The following ZFYVE16 variants were observed in gnomAD, a reference collection of about 807,000 sequenced individuals.
ZFYVE16 encodes the protein zinc finger FYVE domain-containing protein 16.
In ZFYVE16, 89 loss-of-function variants were observed where a neutral mutation model predicts 138.1. The observed-to-expected ratio is 0.64, with a 90% confidence interval of 0.54 to 0.77. ZFYVE16 has a LOEUF of 0.77. Among genes scored for constraint, ZFYVE16 ranks in the 30% least tolerant of loss-of-function variants. The pLI, the probability that ZFYVE16 is intolerant of heterozygous loss-of-function variation, is 0.00. For missense variants in ZFYVE16, 1,793 were observed against 1,786.7 expected, an observed-to-expected ratio of 1.00 and a Z score of -0.06; for synonymous variants, 596 against 618.3, an observed-to-expected ratio of 0.96 and a Z score of 0.53.
chr5:80,475,452 A>G (rs562995482), intron 18 of ZFYVE16, among the ~76,000 whole-genome samples: 100 of 152,292 alleles, frequency 6.6e-4, no homozygotes, highest in Admixed American at 7.2e-4. Flanking sequence ...AGCCTTGGAA[A>G]TATCTTTCCT....
intron 5 of ZFYVE16, among the ~76,000 whole-genome samples, chr5:80,442,566 ATACT>A (rs941084964): frequency 3.3e-5 from 5 of 152,166 alleles, no homozygotes; most frequent in African/African-American, 9.6e-5. Flanking sequence ...AGCTGGAGGA[ATACT>A]TACTTGAAGA....
At chr5:80,436,021 G>C (rs990029369) in intron 3 of ZFYVE16, among the ~76,000 whole-genome samples, 33 of 152,148 alleles carry the variant, frequency 2.2e-4, no homozygotes, top group Admixed American at 1.6e-3. Context: ...CTTCTCCTTT[G>C]CCTTCTGCCA....
chr5:80,469,063 A>G (rs941797516), intron 15 of ZFYVE16, among the ~76,000 whole-genome samples: 4 of 148,682 alleles, frequency 2.7e-5, no homozygotes, highest in Non-Finnish European at 4.5e-5. Context: ...AGATATCCAT[A>G]TATTTTTCTT....
At position 80,421,170 on chromosome 5, in the gene ZFYVE16, G is replaced by A. The variant is rs1264426531; in HGVS notation, c.-93-6322G>A. On this transcript the variant is annotated intron_variant, in intron 1 of 18. Transcript: ENST00000505560. Reference sequence around the variant, plus strand: ...TTGTTTTTTTCTTGTAAATTTGTTTGAGTTCTTTGTAGATTCTGGATATTA... The same window carrying A: ...TTGTTTTTTTCTTGTAAATTTGTTTAAGTTCTTTGTAGATTCTGGATATTA... Among the ~76,000 whole-genome samples the A allele has an allele frequency of 1.3e-4, 20 of 152,086 alleles. 1 individual carries two copies. The South Asian group carries it at 2.7e-3, about 21-fold the overall frequency.
chr5:80,426,696 A>G (rs1201777860), intron 1 of ZFYVE16, among the ~76,000 whole-genome samples: 2 of 152,128 alleles, frequency 1.3e-5, no homozygotes, highest in Non-Finnish European at 2.9e-5. Context: ...TATCCAGTCT[A>G]TCATTGATGG....
intron 15 of ZFYVE16, 62 bp from the exon 16 acceptor site, chr5:80,472,699 A>G: frequency 6.9e-7 from 1 of 1,459,020 alleles, no homozygotes; most frequent in Non-Finnish European, 9.2e-7. Flanking sequence ...AGCAAATTTT[A>G]TGGCTTAGAT....
chr5:80,432,506 C>T (rs1749210619), intron 2 of ZFYVE16, among the ~76,000 whole-genome samples: 1 of 152,102 alleles, frequency 6.6e-6, no homozygotes, highest in African/African-American at 2.4e-5. Flanking sequence ...TAGGCAATAC[C>T]ATTCAGGACA....
chr5:80,466,545 T>C (rs1753772560), intron 15 of ZFYVE16, among the ~76,000 whole-genome samples: 1 of 152,224 alleles, frequency 6.6e-6, no homozygotes, highest in African/African-American at 2.4e-5. Context: ...TGTGAACATA[T>C]TTAAAATAAT....
At position 80,477,273 on chromosome 5, in the gene ZFYVE16, G is replaced by A. The variant is rs750806467; in HGVS notation, c.4516G>A (p.Asp1506Asn). Residue 1506 changes from aspartate to asparagine, a missense_variant, in exon 19 of 19, where the codon GAT (aspartate) becomes AAT (asparagine). Physicochemically the swap from Asp to Asn is conservative, Grantham distance 23. Coordinates refer to ENST00000505560, the MANE Select transcript of ZFYVE16 (RefSeq NM_001284236.3). ...GQLLPQHYLN[D>N]LDSALIPVIH... ...ACTTCTGCCTCAGCATTATCTAAAT[G>A]ATCTTGATAGTGCTCTGATACCTGT... is the stretch of plus-strand genomic sequence containing the variant. 2 of 1,607,084 alleles carry A rather than the reference G, an allele frequency of 1.2e-6. No individual in the cohort carries two copies. The highest frequency in any genetic ancestry group is 1.7e-5 in the Admixed American group (1 of 58,878).
At chr5:80,472,640 G>T in intron 15 of ZFYVE16, 121 bp from the exon 16 acceptor site, 3 of 1,012,572 alleles carry the variant, frequency 3.0e-6, no homozygotes, top group Non-Finnish European at 4.2e-6. Flanking sequence ...CCATTAAGAT[G>T]ATTAGCAAAT....
At chr5:80,430,616 CA>C (rs1175280922) in intron 2 of ZFYVE16, among the ~76,000 whole-genome samples, 1 of 151,854 alleles carries the variant, frequency 6.6e-6, no homozygotes, top group Non-Finnish European at 1.5e-5. Context: ...GATAGAGACA[CA>C]AAAAACCCTT....
Position 80,443,128 on chromosome 5 carries a change from G to A in ZFYVE16, c.2425G>A (p.Ala809Thr). The change falls in exon 6 of 19, where the codon GCA becomes ACA. Residue 809 changes from alanine (A) to threonine (T), a missense_variant. Ala to Thr is a moderately conservative substitution (Grantham distance 58, BLOSUM62 0). Around this residue, in one of 2 missense-constraint regions of ZFYVE16, gnomAD observed 1,295 missense variants for 1,204.3 expected, o/e 1.08. Transcript: ENST00000505560. Reference sequence around the variant, plus strand: ...TATTGTTTTCCCCTTTATAGCTCAGGCATTTGAAAGGATGATGAGTCCAAC... The same window carrying A: ...TATTGTTTTCCCCTTTATAGCTCAGACATTTGAAAGGATGATGAGTCCAAC... ...VCYETISKAQ[A>T]FERMMSPTGS... 1 of 1,541,412 alleles carries A rather than the reference G, an allele frequency of 6.5e-7. No individual in the cohort carries two copies. Among genetic ancestry groups the A allele is most frequent in the South Asian group, 1.3e-5 (1 of 77,712 alleles).
At chr5:80,442,709 C>G (rs1281544102) in intron 5 of ZFYVE16, among the ~76,000 whole-genome samples, 1 of 152,090 alleles carries the variant, frequency 6.6e-6, no homozygotes, top group Non-Finnish European at 1.5e-5. Context: ...GCCATTGTAA[C>G]AACTTAAATT....
intron 15 of ZFYVE16, among the ~76,000 whole-genome samples, chr5:80,471,056 T>G (rs1447394276): frequency 6.6e-6 from 1 of 152,158 alleles, no homozygotes; most frequent in Non-Finnish European, 1.5e-5. Flanking sequence ...CCAAGATTCC[T>G]ATCCCAGAAA....
chr5:80,436,258 T>C (rs1749891338), intron 3 of ZFYVE16, among the ~76,000 whole-genome samples: 1 of 152,102 alleles, frequency 6.6e-6, no homozygotes, highest in African/African-American at 2.4e-5. Flanking sequence ...GCAACCTCAA[T>C]TAGAGCACCA....
rs1359396984 is a variant in ZFYVE16, at chr5:80,438,376, T to C, written c.1691T>C (p.Ile564Thr). The C allele has an allele frequency of 1.2e-6, 2 of 1,613,570 alleles. No homozygotes were observed. The highest frequency in any genetic ancestry group is 1.7e-6 in the Non-Finnish European group (2 of 1,179,878). Reference protein sequence around the residue: ...VNDSKSQMNQIDMKGLDDGNI... With the variant: ...VNDSKSQMNQTDMKGLDDGNI... ...GACTCTAAATCGCAAATGAATCAGA[T>C]AGATATGAAAGGCTTAGATGATGGA... Residue 564 changes from isoleucine to threonine, a missense_variant, in exon 4 of 19, where the codon ATA (isoleucine) becomes ACA (threonine). Ile to Thr is a moderately conservative substitution (Grantham distance 89). Around this residue, in one of 2 missense-constraint regions of ZFYVE16, gnomAD observed 1,295 missense variants for 1,204.3 expected, o/e 1.08. Transcript: ENST00000505560.
intron 1 of ZFYVE16, among the ~76,000 whole-genome samples, chr5:80,420,045 C>T (rs1097310): frequency 0.095 from 14,302 of 151,050 alleles, 908 homozygotes; most frequent in Non-Finnish European, 0.13. Flanking sequence ...CTCCTGACCT[C>T]GTGATCTGCC....
chr5:80,418,776 A>G (rs956462927), intron 1 of ZFYVE16, among the ~76,000 whole-genome samples: 2 of 152,162 alleles, frequency 1.3e-5, no homozygotes, highest in African/African-American at 4.8e-5. Context: ...AATAAGATCA[A>G]ACTTACCATT....
rs200979874 is a variant in ZFYVE16 at position 80,472,806 on chromosome 5, G to A, written c.4070G>A (p.Arg1357Gln). 1,032 of 1,613,908 alleles carry A rather than the reference G, an allele frequency of 6.4e-4. 14 individuals carry two copies. The South Asian group carries it at 0.01, about 16-fold the overall frequency. Reference protein sequence around the residue: ...QITPETMNGLRLALREQKDFK... With the variant: ...QITPETMNGLQLALREQKDFK... ...ACTCCAGAGACCATGAATGGCTTGC[G>A]GCTAGCTTTACGAGAACAGAAAGAC... The change falls in exon 16 of 19, where the codon CGG (arginine) becomes CAG (glutamine). Residue 1357 changes from arginine (R) to glutamine (Q), a missense_variant. By Grantham distance (43) the Arg-to-Gln change is conservative (BLOSUM62 1). Coordinates refer to ENST00000505560, the MANE Select transcript of ZFYVE16 (RefSeq NM_001284236.3).
Sources: allele counts gnomAD v4.1 joint callset (sites outside exome capture counted in the v4.1 genomes callset), GRCh38; gene constraint gnomAD v4.1.1; regional missense constraint gnomAD v4.1.1; transcripts MANE v1.5; gene names NCBI Gene and HGNC (gene_info 2026-07-23, HGNC 2026-07-21).